ZMYM2: variants seen among roughly 807,000 people sequenced by gnomAD.
ZMYM2 encodes zinc finger MYM-type protein 2.
In ZMYM2, 56 loss-of-function variants were observed where a neutral mutation model predicts 162.8. That is an observed-to-expected ratio of 0.34 (90% CI 0.28 to 0.43). ZMYM2 has a LOEUF of 0.43. Among genes scored for constraint, ZMYM2 ranks in the 20% least tolerant of loss-of-function variants. The pLI is 1.00. For missense variants in ZMYM2, 1,275 were observed against 1,621.8 expected, an observed-to-expected ratio of 0.79 and a Z score of 3.67; for synonymous variants, 510 against 541.6, an observed-to-expected ratio of 0.94 and a Z score of 0.81.
chr13:20,081,883 AG>A, intron 21 of ZMYM2, 132 bp from the exon 22 acceptor site: 1 of 515,628 alleles, frequency 1.9e-6, no homozygotes. Context: ...ACATAAAATC[AG>A]TCATGTTTTA....
intron 13 of ZMYM2, 39 bp downstream of exon 13, chr13:20,051,637 C>G (rs768804304): frequency 2.6e-6 from 4 of 1,566,114 alleles, no homozygotes; most frequent in Middle Eastern, 1.7e-4. Flanking sequence ...AAACCCTGTA[C>G]ATCAGTCTTT....
chr13:20,085,700 TG>T, intron 24 of ZMYM2, 121 bp from the exon 25 acceptor site: 1 of 676,580 alleles, frequency 1.5e-6, no homozygotes, highest in Non-Finnish European at 2.4e-6. Flanking sequence ...ATGGAGACAG[TG>T]GGGCATAGGG....
intron 12 of ZMYM2, among the ~76,000 whole-genome samples, chr13:20,046,962 G>A (rs1008563053): frequency 6.6e-6 from 1 of 152,026 alleles, no homozygotes; most frequent in African/African-American, 2.4e-5. Flanking sequence ...TTTAATGTCA[G>A]TATTCTGTAC....
At chr13:19,885,847 CAAAAAA>C in the ZMYM2 span, among the ~76,000 whole-genome samples, 439 of 23,106 alleles carry the variant, frequency 0.019, 61 homozygotes, top group African/African-American at 0.034. Context: ...AACTCTGTCT[CAAAAAA>C]AAAAAAAAAA....
chr13:19,925,006 T>G, the ZMYM2 span, among the ~76,000 whole-genome samples: 3 of 151,992 alleles, frequency 2.0e-5, no homozygotes, highest in Admixed American at 2.0e-4. Context: ...TGCCTCAGTC[T>G]CCTGAGTAGC....
intron 21 of ZMYM2, among the ~76,000 whole-genome samples, chr13:20,079,812 T>C (rs1852509280): frequency 6.6e-6 from 1 of 152,222 alleles, no homozygotes; most frequent in South Asian, 2.1e-4. Flanking sequence ...ATTGCTAAGG[T>C]TCTAAATGTT....
the ZMYM2 span, among the ~76,000 whole-genome samples, chr13:19,899,536 G>C: frequency 1.1e-4 from 17 of 151,990 alleles, no homozygotes; most frequent in Non-Finnish European, 1.9e-4. Flanking sequence ...GTAGAGGAAA[G>C]GCTGGGCTCG....
the ZMYM2 span, among the ~76,000 whole-genome samples, chr13:19,876,540 C>T: frequency 3.3e-5 from 5 of 151,716 alleles, no homozygotes; most frequent in South Asian, 4.2e-4. Context: ...TCAGGCTGGT[C>T]CCAGACTCCT....
chr13:19,954,179 A>G (rs1157321948), upstream of ZMYM2, among the ~76,000 whole-genome samples: 1 of 113,442 alleles, frequency 8.8e-6, no homozygotes, highest in Non-Finnish European at 1.7e-5. Flanking sequence ...CCCAGGCTGG[A>G]GTGCGGTGGC....
chr13:19,970,030 A>G, intron 2 of ZMYM2: 4 of 985,350 alleles, frequency 4.1e-6, no homozygotes, highest in Non-Finnish European at 4.8e-6. Flanking sequence ...TTTAGGTTAG[A>G]TGAGGTCTTA....
chr13:19,967,916 CTA>C (rs1336137185), intron 2 of ZMYM2, among the ~76,000 whole-genome samples: 1 of 152,154 alleles, frequency 6.6e-6, no homozygotes, highest in African/African-American at 2.4e-5. Flanking sequence ...AGAAGAATTT[CTA>C]TGTTTCTCTT....
At chr13:19,936,839 T>A in the ZMYM2 span, among the ~76,000 whole-genome samples, 1 of 152,086 alleles carries the variant, frequency 6.6e-6, no homozygotes, top group Non-Finnish European at 1.5e-5. Flanking sequence ...TTTCTACAAT[T>A]TCATAGATTT....
chr13:20,073,912 C>T (rs1406732522), intron 21 of ZMYM2, among the ~76,000 whole-genome samples: 6 of 151,990 alleles, frequency 3.9e-5, no homozygotes, highest in Non-Finnish European at 7.4e-5. Flanking sequence ...GGTGCAGTGG[C>T]ATTAAGTACA....
At chr13:19,988,315 C>A (rs1949341043) in intron 2 of ZMYM2, among the ~76,000 whole-genome samples, 1 of 152,120 alleles carries the variant, frequency 6.6e-6, no homozygotes, top group African/African-American at 2.4e-5. Context: ...TATATATAAA[C>A]TAAAGGGCTA....
At chr13:20,012,083 A>G (rs897890207) in intron 6 of ZMYM2, among the ~76,000 whole-genome samples, 1 of 151,844 alleles carries the variant, frequency 6.6e-6, no homozygotes. Flanking sequence ...ATGGGGTTCC[A>G]CCATGTTGGC....
At chr13:20,008,857 G>C (rs1432315657) in intron 6 of ZMYM2, among the ~76,000 whole-genome samples, 2 of 151,862 alleles carry the variant, frequency 1.3e-5, no homozygotes, top group African/African-American at 4.8e-5. Flanking sequence ...GAATTAAATA[G>C]TCAACTGAAA....
intron 22 of ZMYM2, among the ~76,000 whole-genome samples, chr13:20,082,333 AAATGT>A (rs1338126866): frequency 6.6e-6 from 1 of 152,230 alleles, no homozygotes; most frequent in Non-Finnish European, 1.5e-5. Context: ...ACTTTGTAAG[AAATGT>A]AATCTACTTT....
chr13:19,893,261 T>C, the ZMYM2 span, among the ~76,000 whole-genome samples: 4 of 150,276 alleles, frequency 2.7e-5, no homozygotes, highest in Non-Finnish European at 5.9e-5. Context: ...TTGCCTGTTC[T>C]TGATAGCTTG....
chr13:20,071,442 T>C (rs1957079709), intron 21 of ZMYM2, among the ~76,000 whole-genome samples: 1 of 152,260 alleles, frequency 6.6e-6, no homozygotes, highest in Non-Finnish European at 1.5e-5. Flanking sequence ...CAAGTGGCTC[T>C]AGGGCTGAGT....
Sources: allele counts gnomAD v4.1 joint callset (sites outside exome capture counted in the v4.1 genomes callset), GRCh38; gene constraint gnomAD v4.1.1; transcripts MANE v1.5; gene names NCBI Gene and HGNC (gene_info 2026-07-23, HGNC 2026-07-21).